DMD: variants seen among roughly 807,000 people sequenced by gnomAD.
DMD encodes mutant dystrophin.
A neutral mutation model predicts 330.1 loss-of-function variants in DMD; 63 were observed. That is an observed-to-expected ratio of 0.19 (90% CI 0.16 to 0.24). The LOEUF (loss-of-function observed/expected upper bound fraction) is 0.24. Ranked by LOEUF, DMD falls within the 10% of genes least tolerant of loss-of-function variation. The probability of loss-of-function intolerance (pLI) is 1.00; values close to 1 mark genes in which losing one functional copy is unlikely to be tolerated. For synonymous variants in DMD, 1,223 were observed against 959.8 expected, an observed-to-expected ratio of 1.27 and a Z score of -5.07; for missense variants, 3,344 against 2,684.1, an observed-to-expected ratio of 1.25 and a Z score of -5.43.
chrX:31,877,145 T>G (rs2093980493), intron 47 of DMD, among the ~76,000 whole-genome samples: 1 of 112,026 alleles, frequency 8.9e-6, no homozygotes, highest in South Asian at 3.7e-4. Flanking sequence ...AAAATGAATT[T>G]TAAACAAGAT....
chrX:32,729,560 A>AC (rs199637148), intron 7 of DMD, among the ~76,000 whole-genome samples: 1,549 of 110,354 alleles, frequency 0.014, 15 homozygotes, highest in Middle Eastern at 0.028. Flanking sequence ...TATCTTAACC[A>AC]CCCCCCCAAT....
chrX:32,740,600 CAT>C (rs1454832638), intron 7 of DMD, among the ~76,000 whole-genome samples: 6 of 111,309 alleles, frequency 5.4e-5, no homozygotes, highest in African/African-American at 2.0e-4. Context: ...ATTATATAAT[CAT>C]AAAATAGAAA....
chrX:32,476,016 A>G (rs1569564391), intron 21 of DMD, among the ~76,000 whole-genome samples: 1 of 111,292 alleles, frequency 9.0e-6, no homozygotes, highest in Non-Finnish European at 1.9e-5. Context: ...AGTGAAGTAA[A>G]GAGGTATTTA....
At chrX:32,607,836 C>G (rs978173634) in intron 12 of DMD, among the ~76,000 whole-genome samples, 1 of 110,037 alleles carries the variant, frequency 9.1e-6, no homozygotes, top group Admixed American at 9.7e-5. Flanking sequence ...TACGAAAGAA[C>G]TGAAATTGAT....
intron 56 of DMD, among the ~76,000 whole-genome samples, chrX:31,503,621 C>T (rs1479934827): frequency 1.8e-5 from 2 of 111,103 alleles, no homozygotes. Context: ...ATTGGGAAGA[C>T]CTAGTGAGGA....
intron 48 of DMD, among the ~76,000 whole-genome samples, chrX:31,864,707 T>C (rs1188610598): frequency 9.1e-6 from 1 of 110,298 alleles, no homozygotes; most frequent in Non-Finnish European, 1.9e-5. Flanking sequence ...CCCAGGCTGA[T>C]CTCAAACTCC....
chrX:32,596,676 G>C (rs1032420575), intron 12 of DMD, among the ~76,000 whole-genome samples: 1 of 110,382 alleles, frequency 9.1e-6, no homozygotes, highest in African/African-American at 3.3e-5. Flanking sequence ...CTCCCGAGTA[G>C]CTGAGATTAC....
At chrX:32,855,675 C>T (rs971262220) in intron 2 of DMD, among the ~76,000 whole-genome samples, 3 of 111,956 alleles carry the variant, frequency 2.7e-5, no homozygotes, top group Non-Finnish European at 5.6e-5. Context: ...CTAAGTGGAA[C>T]AAAGACTTAA....
chrX:32,535,857 G>A lies in DMD; in HGVS notation c.2168+9302C>T, dbSNP rs146204487. Among the ~76,000 whole-genome samples the A allele has an allele frequency of 8.7e-3, 974 of 111,684 alleles. 47 individuals carry two copies. The East Asian group carries it at 0.13, about 15-fold the overall frequency. On this transcript the variant is annotated intron_variant, in intron 17 of 78. Transcript: ENST00000357033. The stretch of plus-strand genomic sequence containing the variant: ...CTGACTTCTGCTTTATGCATTATAG[G>A]TGTACAGATGACAAGAAATGATTTC...
At chrX:32,580,772 T>A (rs1052614081) in intron 13 of DMD, among the ~76,000 whole-genome samples, 1 of 112,012 alleles carries the variant, frequency 8.9e-6, no homozygotes, top group Non-Finnish European at 1.9e-5. Flanking sequence ...ATACAAGAAT[T>A]GAAAATTTTT....
chrX:32,485,124 A>C (rs2042287838), intron 20 of DMD, 25 bp from the exon 21 acceptor site: 1 of 1,190,523 alleles, frequency 8.4e-7, no homozygotes, highest in Non-Finnish European at 1.1e-6. Context: ...ATGGAAAGTA[A>C]GTAACACGTT....
chrX:31,320,979 A>G (rs1295194142), intron 62 of DMD, among the ~76,000 whole-genome samples: 1 of 111,549 alleles, frequency 9.0e-6, no homozygotes, highest in Non-Finnish European at 1.9e-5. Context: ...GCCAGGAAGC[A>G]TAATAATCCT....
At chrX:32,779,699 G>A (rs1244952701) in intron 7 of DMD, among the ~76,000 whole-genome samples, 1 of 84,898 alleles carries the variant, frequency 1.2e-5, no homozygotes, top group African/African-American at 4.6e-5. Context: ...CATACGGCCT[G>A]TGGTGGGGTG....
intron 44 of DMD, among the ~76,000 whole-genome samples, chrX:32,068,339 C>A (rs1355540919): frequency 9.5e-6 from 1 of 105,465 alleles, no homozygotes; most frequent in African/African-American, 3.5e-5. Flanking sequence ...TTTTGCCATG[C>A]AGAAGCTCTT....
At chrX:32,774,852 A>G (rs1341397153) in intron 7 of DMD, among the ~76,000 whole-genome samples, 1 of 111,549 alleles carries the variant, frequency 9.0e-6, no homozygotes, top group East Asian at 2.8e-4. Flanking sequence ...ACAGTCTCGC[A>G]AAGTCTTAAC....
intron 13 of DMD, among the ~76,000 whole-genome samples, chrX:32,576,718 A>G (rs1412371758): frequency 1.2e-5 from 1 of 82,667 alleles, no homozygotes; most frequent in African/African-American, 4.6e-5. Context: ...GAGCAAAACC[A>G]TGGATGAGGG....
Position 31,146,391 on chromosome X carries a change from A to G in DMD, c.10821T>C (p.Asn3607=). The G allele has an allele frequency of 8.3e-7, 1 of 1,210,894 alleles. No individual in the cohort carries two copies. Among genetic ancestry groups the G allele is most frequent in the African/African-American group, 1.7e-5 (1 of 57,887 alleles). Residue 3607 remains asparagine, a synonymous_variant, in exon 76 of 79, where the codon AAT becomes AAC. Coordinates refer to ENST00000357033, the MANE Select transcript of DMD (RefSeq NM_004006.3). ...LEQPQAEAKV[N]GTTVSSPSTS... ...TAGAAGGAGAGGACACCGTTGTGCCATTCACTTTGGCCTCTGCCTGGGGCT... is the reference window on the plus strand; with the variant it reads ...TAGAAGGAGAGGACACCGTTGTGCCGTTCACTTTGGCCTCTGCCTGGGGCT...
At chrX:32,151,116 T>C (rs904803044) in intron 44 of DMD, among the ~76,000 whole-genome samples, 2 of 111,846 alleles carry the variant, frequency 1.8e-5, no homozygotes, top group African/African-American at 6.5e-5. Context: ...AAAGAAAAAT[T>C]GAAGTTATTT....
chrX:31,866,455 A>G (rs2093801228), intron 48 of DMD, among the ~76,000 whole-genome samples: 1 of 112,010 alleles, frequency 8.9e-6, no homozygotes, highest in South Asian at 3.7e-4. Flanking sequence ...TTTAGAACAC[A>G]GCCTCCATAA....
Sources: allele counts gnomAD v4.1 joint callset (sites outside exome capture counted in the v4.1 genomes callset), GRCh38; gene constraint gnomAD v4.1.1; transcripts MANE v1.5; gene names NCBI Gene and HGNC (gene_info 2026-07-23, HGNC 2026-07-21).